Variants in LAMA2 observed in about 807,000 individuals in gnomAD.
The protein encoded by LAMA2 is laminin subunit alpha 2, also known as laminin subunit alpha-2.
A neutral mutation model predicts 364.8 loss-of-function variants in LAMA2; 269 were observed. That is an observed-to-expected ratio of 0.74 (90% CI 0.67 to 0.82). The LOEUF is 0.82. LAMA2 is among the 40% of genes least tolerant of loss of function. The probability of loss-of-function intolerance (pLI) is 0.00; values close to 1 mark genes in which losing one functional copy is unlikely to be tolerated. For synonymous variants in LAMA2, 1,379 were observed against 1,370.6 expected (o/e 1.01, Z -0.14); for missense variants, 3,807 against 3,873.2 (o/e 0.98, Z 0.45).
intron 30 of LAMA2, among the ~76,000 whole-genome samples, chr6:129,348,545 G>C (rs544369894): frequency 6.6e-6 from 1 of 151,568 alleles, no homozygotes; most frequent in African/African-American, 2.4e-5. Flanking sequence ...TTCAAGTCTT[G>C]TGGAGTCTTT....
chr6:129,207,678 T>A (rs1782766839), intron 12 of LAMA2, among the ~76,000 whole-genome samples: 1 of 151,096 alleles, frequency 6.6e-6, no homozygotes, highest in African/African-American at 2.5e-5. Flanking sequence ...TACATTTTGT[T>A]TTAGAAGAAT....
intron 32 of LAMA2, among the ~76,000 whole-genome samples, chr6:129,365,682 T>TC (rs2114618503): frequency 6.6e-6 from 1 of 151,986 alleles, no homozygotes; most frequent in Non-Finnish European, 1.5e-5. Context: ...CTTTTTTTTT[T>TC]TTTAATTATT....
At position 129,314,398 on chromosome 6, in the gene LAMA2, C is replaced by CAAAAAAAAAAAAAAAAAAA. The variant is rs3062342; in HGVS notation, c.3412-254_3412-236dup. The stretch of plus-strand genomic sequence containing the variant: ...TGGGCGAAAGAGCGAGACTCCGTCT[C>CAAAAAAAAAAAAAAAAAAA]AAAAAAAAAAAAAAAAAAAAAGTAC... On this transcript the variant is annotated intron_variant, in intron 23 of 64. Coordinates refer to ENST00000421865, the MANE Select transcript of LAMA2 (RefSeq NM_000426.4). Among the ~76,000 whole-genome samples, 12 of 81,864 alleles carry CAAAAAAAAAAAAAAAAAAA rather than the reference C, an allele frequency of 1.5e-4. 1 individual carries two copies. The highest frequency in any genetic ancestry group is 5.5e-4 in the African/African-American group (10 of 18,192). The allele number at this position is 81,864 out of a possible 152,430, so 53.7% of individuals were successfully genotyped here.
At chr6:128,929,932 C>CCA (rs1779352390) in intron 1 of LAMA2, 1 of 779,976 alleles carries the variant, frequency 1.3e-6, no homozygotes, top group African/African-American at 1.7e-5. Flanking sequence ...GGAGCGCGGC[C>CCA]CACAGCCCCA....
At chr6:129,200,453 TATATAC>T (rs1373200030) in intron 12 of LAMA2, among the ~76,000 whole-genome samples, 95 of 150,780 alleles carry the variant, frequency 6.3e-4, no homozygotes, top group African/African-American at 2.1e-3. Flanking sequence ...TATATGTATA[TATATAC>T]ATGTACACAT....
Position 129,291,626 on chromosome 6 carries a change from A to G in LAMA2, c.2762A>G (p.Asn921Ser). The change falls in exon 20 of 65, where the codon AAT becomes AGT. Residue 921 changes from asparagine to serine, a missense_variant. Coordinates refer to ENST00000421865, the MANE Select transcript of LAMA2 (RefSeq NM_000426.4). ...CTTCTCTTTGCAGCCTGTCGCTGTA[A>G]TGCCGGTGGCTCTTTCTCTGAGGTT... ...DAKNCQPCRC[N>S]AGGSFSEVCH... is the part of the protein sequence containing the mutation. 2 of 1,613,878 alleles carry G rather than the reference A, an allele frequency of 1.2e-6. No individual in the cohort carries two copies. Among genetic ancestry groups the G allele is most frequent in the Non-Finnish European group, 1.7e-6 (2 of 1,179,760 alleles).
At chr6:129,375,165 TA>T (rs1778303038) in intron 34 of LAMA2, among the ~76,000 whole-genome samples, 1 of 152,122 alleles carries the variant, frequency 6.6e-6, no homozygotes, top group Non-Finnish European at 1.5e-5. Context: ...AAATATAAAG[TA>T]AAAAAATTAC....
At chr6:128,928,944 GAGT>G in intron 1 of LAMA2, 3 of 861,114 alleles carry the variant, frequency 3.5e-6, no homozygotes. Context: ...ACAGATAAGG[GAGT>G]AGAGGAGGTA....
chr6:129,004,403 TAATA>T lies in LAMA2; in HGVS notation c.113-45512_113-45509del, dbSNP rs1317724944. Among the ~76,000 whole-genome samples the T allele has an allele frequency of 8.7e-4, 19 of 21,720 alleles. 1 individual carries two copies. The highest frequency in any genetic ancestry group is 6.0e-3 in the African/African-American group (18 of 2,984). The allele number at this position is 21,720 out of a possible 152,430, so 14.2% of individuals were successfully genotyped here. ...ATGTACCCTAAAACTTAGAGTATAATAATAAAAAAAAAAAAAAAAAAAAAAAAGA... is the reference window on the plus strand; with the variant it reads ...ATGTACCCTAAAACTTAGAGTATAATAAAAAAAAAAAAAAAAAAAAAAAGA... On this transcript the variant is annotated intron_variant, in intron 1 of 64. Transcript: ENST00000421865.
chr6:128,959,876 A>G (rs1273765072), intron 1 of LAMA2, among the ~76,000 whole-genome samples: 1 of 152,074 alleles, frequency 6.6e-6, no homozygotes, highest in Non-Finnish European at 1.5e-5. Context: ...ATGATCGTAT[A>G]AAATTTTTAT....
chr6:129,130,239 G>C (rs996130249), intron 4 of LAMA2, among the ~76,000 whole-genome samples: 1 of 152,204 alleles, frequency 6.6e-6, no homozygotes, highest in African/African-American at 2.4e-5. Flanking sequence ...ATTTGTCAAA[G>C]CTAGCTCTCT....
intron 9 of LAMA2, among the ~76,000 whole-genome samples, chr6:129,166,554 T>A (rs1779755601): frequency 6.6e-6 from 1 of 152,164 alleles, no homozygotes; most frequent in Non-Finnish European, 1.5e-5. Flanking sequence ...AACGGATACG[T>A]TTTGATAGTC....
intron 1 of LAMA2, among the ~76,000 whole-genome samples, chr6:129,007,956 C>T (rs9321145): frequency 0.025 from 3,744 of 152,258 alleles, 140 homozygotes; most frequent in African/African-American, 0.086. Context: ...CCAGCAGCGA[C>T]ACTGACACAA....
intron 1 of LAMA2, among the ~76,000 whole-genome samples, chr6:129,010,005 A>G (rs1186155066): frequency 2.0e-5 from 3 of 152,174 alleles, no homozygotes; most frequent in African/African-American, 7.2e-5. Context: ...CTTATGGCTC[A>G]GTGTTTCAAT....
chr6:129,358,584 A>G (rs1253207098), intron 32 of LAMA2, among the ~76,000 whole-genome samples: 4 of 152,046 alleles, frequency 2.6e-5, no homozygotes, highest in African/African-American at 9.7e-5. Context: ...TAATGCAAGG[A>G]AGCATGGTGT....
intron 4 of LAMA2, among the ~76,000 whole-genome samples, chr6:129,122,410 T>A (rs895872396): frequency 1.3e-5 from 2 of 152,176 alleles, no homozygotes; most frequent in East Asian, 3.9e-4. Context: ...CAAACCATCT[T>A]ACCGATACTT....
At position 129,332,050 on chromosome 6, in the gene LAMA2, G is replaced by T. The variant is rs182774318; in HGVS notation, c.4311+3638G>T. Among the ~76,000 whole-genome samples, 4 of 152,260 alleles carry T rather than the reference G, an allele frequency of 2.6e-5. No homozygotes were observed. The East Asian group carries it at 7.7e-4, about 29-fold the overall frequency. On this transcript the variant is annotated intron_variant, in intron 29 of 64. Transcript: ENST00000421865. ...GTATTCCTGGGACTCAATCCTTGGA[G>T]CAATTTGTTTCTCTAACTACATTCA...
At chr6:129,437,669 G>A (rs2114759295) in intron 41 of LAMA2, among the ~76,000 whole-genome samples, 1 of 152,142 alleles carries the variant, frequency 6.6e-6, no homozygotes, top group Admixed American at 6.5e-5. Flanking sequence ...ATTGTGGGAA[G>A]TATAGGATTT....
chr6:129,158,314 T>C, intron 8 of LAMA2: 1 of 1,614,080 alleles, frequency 6.2e-7, no homozygotes. Context: ...CGAAACCAGC[T>C]GGCTTCTTCA....
Sources: allele counts gnomAD v4.1 joint callset (sites outside exome capture counted in the v4.1 genomes callset), GRCh38; gene constraint gnomAD v4.1.1; transcripts MANE v1.5; gene names NCBI Gene and HGNC (gene_info 2026-07-23, HGNC 2026-07-21).